Variants in KLF12 observed in about 807,000 individuals in gnomAD.
KLF12 encodes Krueppel-like factor 12.
A neutral mutation model predicts 37.8 loss-of-function variants in KLF12; 9 were observed. The ratio of observed to expected loss-of-function variants is 0.24; its 90% confidence interval spans 0.14 to 0.42. The LOEUF is 0.42. Among genes scored for constraint, KLF12 ranks in the 10% least tolerant of loss-of-function variants. The pLI is 1.00. For synonymous variants in KLF12, 208 were observed against 202.1 expected, an observed-to-expected ratio of 1.03 and a Z score of -0.25; for missense variants, 411 against 516.0, an observed-to-expected ratio of 0.80 and a Z score of 1.97.
At chr13:74,002,085 T>C (rs1593820465) in intron 1 of KLF12, among the ~76,000 whole-genome samples, 1 of 152,230 alleles carries the variant, frequency 6.6e-6, no homozygotes, top group Admixed American at 6.5e-5. Flanking sequence ...ATATTTTTAA[T>C]GATTATCTTA....
rs182635786 is a variant in KLF12 at position 73,867,373 on chromosome 13, C to T, written c.124-21000G>A. 9.9e-4 allele frequency among the ~76,000 whole-genome samples: 150 copies of T among 151,252 alleles called. 2 individuals are homozygous for T. The highest frequency in any genetic ancestry group is 3.5e-3 in the African/African-American group (145 of 41,386). On this transcript the variant is annotated intron_variant, in intron 3 of 7. Transcript: ENST00000377669. Reference sequence around the variant, plus strand: ...TTTACTGACAAAAGAACCACTCCAACAGGAATATATACATACATACATACA... The same window carrying T: ...TTTACTGACAAAAGAACCACTCCAATAGGAATATATACATACATACATACA...
chr13:74,032,051 G>A (rs2138488894), intron 1 of KLF12, among the ~76,000 whole-genome samples: 1 of 152,272 alleles, frequency 6.6e-6, no homozygotes, highest in South Asian at 2.1e-4. Context: ...TAAGAACTCT[G>A]TTCACAAGCG....
At chr13:74,222,623 A>G in the KLF12 span, among the ~76,000 whole-genome samples, 2 of 152,326 alleles carry the variant, frequency 1.3e-5, no homozygotes, top group East Asian at 3.8e-4. Context: ...TCAGTGGACA[A>G]TGCTGAAACA....
intron 7 of KLF12, among the ~76,000 whole-genome samples, chr13:73,702,039 G>A (rs1874597405): frequency 6.6e-6 from 1 of 152,082 alleles, no homozygotes; most frequent in Admixed American, 6.6e-5. Context: ...AAAAAAGGGT[G>A]GGGGAGGTGT....
At chr13:73,738,126 C>CAA (rs1566331407) in intron 6 of KLF12, among the ~76,000 whole-genome samples, 1 of 56,416 alleles carries the variant, frequency 1.8e-5, no homozygotes, top group African/African-American at 9.0e-5. Context: ...TATATATATA[C>CAA]ACACACACAC....
the KLF12 span, among the ~76,000 whole-genome samples, chr13:74,165,279 G>A: frequency 6.7e-6 from 1 of 150,234 alleles, no homozygotes; most frequent in East Asian, 2.0e-4. Flanking sequence ...ATCCTCAGTG[G>A]GCTTTTCATA....
chr13:74,049,116 CCTT>C (rs1160366399), intron 1 of KLF12, among the ~76,000 whole-genome samples: 1 of 152,212 alleles, frequency 6.6e-6, no homozygotes, highest in Non-Finnish European at 1.5e-5. Flanking sequence ...GGAGGACTGT[CCTT>C]CTCAGCCCCA....
chr13:73,857,843 G>C (rs1209264379), intron 3 of KLF12, among the ~76,000 whole-genome samples: 1 of 152,128 alleles, frequency 6.6e-6, no homozygotes, highest in African/African-American at 2.4e-5. Context: ...AGTTTACAAA[G>C]CATTATATGT....
chr13:73,937,317 T>TA (rs71115625), intron 3 of KLF12, among the ~76,000 whole-genome samples: 6 of 152,192 alleles, frequency 3.9e-5, no homozygotes, highest in Non-Finnish European at 7.3e-5. Context: ...CAGATTTTTT[T>TA]AAAAAAATTC....
At chr13:74,297,996 C>T in the KLF12 span, among the ~76,000 whole-genome samples, 7 of 152,146 alleles carry the variant, frequency 4.6e-5, no homozygotes, top group African/African-American at 1.7e-4. Flanking sequence ...ATTTCATTGA[C>T]TCTTTCTCTT....
At chr13:74,176,341 A>C in the KLF12 span, among the ~76,000 whole-genome samples, 2 of 152,104 alleles carry the variant, frequency 1.3e-5, no homozygotes, top group Admixed American at 6.5e-5. Context: ...CAAATACATA[A>C]AATTTTTCAT....
At chr13:73,943,261 T>G (rs1447047635) in intron 3 of KLF12, among the ~76,000 whole-genome samples, 3 of 152,190 alleles carry the variant, frequency 2.0e-5, no homozygotes, top group Admixed American at 2.0e-4. Flanking sequence ...CAACAGGCAC[T>G]CAGCCACATG....
At chr13:74,222,860 AC>A in the KLF12 span, among the ~76,000 whole-genome samples, 232 of 152,348 alleles carry the variant, frequency 1.5e-3, no homozygotes, top group African/African-American at 5.1e-3. Flanking sequence ...TAGTTTCAGA[AC>A]CTAGTACAGT....
the KLF12 span, chr13:74,259,127 T>C: frequency 6.6e-6 from 1 of 152,250 alleles, no homozygotes; most frequent in African/African-American, 2.4e-5. Flanking sequence ...AGCCCGAGGA[T>C]GGAGAGTCAC....
intron 2 of KLF12, among the ~76,000 whole-genome samples, chr13:73,983,058 T>C (rs1490630094): frequency 6.6e-6 from 1 of 152,176 alleles, no homozygotes; most frequent in African/African-American, 2.4e-5. Context: ...CAAATATTCA[T>C]TGAAAAGATC....
At chr13:73,821,328 T>C (rs931536987) in intron 4 of KLF12, among the ~76,000 whole-genome samples, 1 of 152,190 alleles carries the variant, frequency 6.6e-6, no homozygotes, top group African/African-American at 2.4e-5. Context: ...TTCTCAGCTC[T>C]GACCTCTCCC....
At chr13:74,260,628 T>TAAAATAAAATAAAATAAAATG in the KLF12 span, among the ~76,000 whole-genome samples, 600 of 140,068 alleles carry the variant, frequency 4.3e-3, 24 homozygotes, top group East Asian at 9.9e-3. Context: ...TAAAATAAAA[T>TAAAATAAAATAAAATAAAATG]AGTGAATTAA....
the KLF12 span, among the ~76,000 whole-genome samples, chr13:74,299,890 A>G: frequency 6.6e-6 from 1 of 152,194 alleles, no homozygotes; most frequent in Admixed American, 6.5e-5. Flanking sequence ...TCAGGAAAGG[A>G]GAAAGAAAGA....
At chr13:74,141,096 G>A in the KLF12 span, among the ~76,000 whole-genome samples, 1 of 152,050 alleles carries the variant, frequency 6.6e-6, no homozygotes, top group African/African-American at 2.4e-5. Flanking sequence ...ATTGGAAGAG[G>A]GAGTATAGCT....
Sources: gnomAD v4.1 joint callset for allele counts (sites outside exome capture counted in the v4.1 genomes callset) on GRCh38, gnomAD v4.1.1 for gene constraint, MANE v1.5 for transcripts, NCBI Gene and HGNC (gene_info 2026-07-23, HGNC 2026-07-21) for gene names.